VPS26C: variants seen among roughly 807,000 people sequenced by gnomAD.
VPS26C encodes the protein VPS26 endosomal protein sorting factor C.
Under a neutral mutation model 30.6 loss-of-function variants are expected in VPS26C, and 19 were observed. The ratio of observed to expected loss-of-function variants is 0.62; its 90% CI spans 0.43 to 0.91. The LOEUF (loss-of-function observed/expected upper bound fraction) is 0.91. Among genes scored for constraint, VPS26C ranks in the 40% least tolerant of loss-of-function variants. The pLI is 0.00. For synonymous variants in VPS26C, 132 were observed against 151.5 expected (o/e 0.87, Z 0.95); for missense variants, 318 against 385.1 (o/e 0.83, Z 1.46).
At chr21:37,267,839 C>T (rs2086387218), upstream of VPS26C, 1 of 155,548 alleles carries the variant, frequency 6.4e-6, no homozygotes, top group African/African-American at 2.4e-5. Flanking sequence ...TCTAGCCCTC[C>T]ACCGCTTTCT....
chr21:37,246,327 T>C (rs578148607), intron 1 of VPS26C, among the ~76,000 whole-genome samples: 2 of 152,188 alleles, frequency 1.3e-5, no homozygotes, highest in East Asian at 3.9e-4. Context: ...GATACAACAA[T>C]GCTCAAGGCA....
At chr21:37,260,846 G>A (rs533422947) in intron 1 of VPS26C, among the ~76,000 whole-genome samples, 112 of 152,228 alleles carry the variant, frequency 7.4e-4, no homozygotes, top group Admixed American at 6.5e-4. Context: ...GTCAAAATAA[G>A]AATAAATCTT....
At position 37,224,482 on chromosome 21, in the gene VPS26C, T is replaced by C. The variant is rs1385157544; in HGVS notation, c.*1062A>G. ...AGGTTGAGGCTGCCGTGAGCTGTGATCCTGCCAGTGCACTCAGCCTGCGTG... is the reference window on the plus strand; with the variant it reads ...AGGTTGAGGCTGCCGTGAGCTGTGACCCTGCCAGTGCACTCAGCCTGCGTG... On this transcript the variant is annotated 3_prime_UTR_variant, in exon 8 of 8. Transcript: ENST00000309117. 1 of 152,338 alleles carries C rather than the reference T, an allele frequency of 6.6e-6. No homozygotes were observed. The highest frequency in any genetic ancestry group is 1.9e-4 in the East Asian group (1 of 5,166). 9.4% of individuals were successfully genotyped at this position (152,338 alleles called of 1,614,324 possible). A position where few individuals can be genotyped will look rare whatever the true frequency, so the allele number is the denominator to read the frequency against.
intron 1 of VPS26C, among the ~76,000 whole-genome samples, chr21:37,244,411 G>T (rs554802942): frequency 6.6e-6 from 1 of 152,204 alleles, no homozygotes; most frequent in East Asian, 1.9e-4. Flanking sequence ...CTAATTTTTT[G>T]TATTGTTAGT....
chr21:37,243,910 G>A (rs2086112282), intron 1 of VPS26C, among the ~76,000 whole-genome samples: 1 of 152,168 alleles, frequency 6.6e-6, no homozygotes. Flanking sequence ...GGGTCACTGG[G>A]TCTGTATCTT....
At position 37,265,803 on chromosome 21, in the gene VPS26C, G is replaced by A. The variant is rs59876877; in HGVS notation, c.57+1435C>T. Among the ~76,000 whole-genome samples, 971 of 151,936 alleles carry A rather than the reference G, an allele frequency of 6.4e-3. 11 individuals carry two copies. The highest frequency in any genetic ancestry group is 0.022 in the African/African-American group (906 of 41,416). Reference sequence around the variant, plus strand: ...TCTGTGCATCATGCCAAGGGGTACCGAATGTCAGTCGTCTCATTAGTTGTG... The same window carrying A: ...TCTGTGCATCATGCCAAGGGGTACCAAATGTCAGTCGTCTCATTAGTTGTG... On this transcript the variant is annotated intron_variant, in intron 1 of 7. Coordinates refer to ENST00000309117, the MANE Select transcript of VPS26C (RefSeq NM_006052.2).
chr21:37,264,442 C>T (rs978338314), intron 1 of VPS26C, among the ~76,000 whole-genome samples: 1 of 152,220 alleles, frequency 6.6e-6, no homozygotes, highest in Non-Finnish European at 1.5e-5. Context: ...TACCATTCCA[C>T]TGCTTGTGTC....
intron 3 of VPS26C, chr21:37,237,341 A>G (rs933033051): frequency 3.3e-5 from 5 of 152,250 alleles, no homozygotes; most frequent in African/African-American, 1.2e-4. Flanking sequence ...GATAATAAAA[A>G]TAATTTCCAA....
chr21:37,262,304 G>A (rs563128118), intron 1 of VPS26C, among the ~76,000 whole-genome samples: 1 of 152,296 alleles, frequency 6.6e-6, no homozygotes, highest in African/African-American at 2.4e-5. Flanking sequence ...AGCAGTGCAT[G>A]GTGGGCACTT....
intron 1 of VPS26C, among the ~76,000 whole-genome samples, chr21:37,246,984 C>T (rs1465531246): frequency 6.6e-6 from 1 of 152,156 alleles, no homozygotes; most frequent in Non-Finnish European, 1.5e-5. Context: ...TCTTGAACTC[C>T]AGGGCTCAAG....
At chr21:37,266,956 G>A in intron 1 of VPS26C, 1 of 361,528 alleles carries the variant, frequency 2.8e-6, no homozygotes, top group Non-Finnish European at 4.5e-6. Context: ...CAAGGGGCCA[G>A]ATGGGAAGAG....
intron 1 of VPS26C, chr21:37,261,961 T>C (rs2086308724): frequency 6.6e-6 from 1 of 151,796 alleles, no homozygotes; most frequent in African/African-American, 2.4e-5. Context: ...AAATAAAACT[T>C]AAGGTACGAA....
At chr21:37,252,767 C>T (rs2086206316) in intron 1 of VPS26C, among the ~76,000 whole-genome samples, 1 of 152,220 alleles carries the variant, frequency 6.6e-6, no homozygotes, top group African/African-American at 2.4e-5. Flanking sequence ...ACTATTAACA[C>T]ACAACCTGGA....
intron 2 of VPS26C, among the ~76,000 whole-genome samples, chr21:37,239,003 G>A (rs2086055443): frequency 1.3e-5 from 2 of 152,150 alleles, no homozygotes; most frequent in Non-Finnish European, 2.9e-5. Context: ...CGAGCCCCGT[G>A]CTCTTCTGGG....
At chr21:37,245,546 C>T (rs2086129269) in intron 1 of VPS26C, among the ~76,000 whole-genome samples, 1 of 152,192 alleles carries the variant, frequency 6.6e-6, no homozygotes, top group Admixed American at 6.5e-5. Flanking sequence ...ATCCCCCCTC[C>T]CTGACTGACT....
intron 5 of VPS26C, 50 bp downstream of exon 5, chr21:37,232,327 C>T (rs999894084): frequency 1.3e-6 from 2 of 1,540,046 alleles, no homozygotes; most frequent in Non-Finnish European, 1.8e-6. Context: ...TCCGTGGGGT[C>T]TGGCTGCTGG....
chr21:37,243,310 A>AGACTGGG (rs1479414898), intron 1 of VPS26C, among the ~76,000 whole-genome samples: 2 of 152,190 alleles, frequency 1.3e-5, no homozygotes, highest in Non-Finnish European at 2.9e-5. Flanking sequence ...GACCGTTCAC[A>AGACTGGG]GACTGGCAAC....
At chr21:37,253,339 T>G (rs2086212876) in intron 1 of VPS26C, among the ~76,000 whole-genome samples, 1 of 152,218 alleles carries the variant, frequency 6.6e-6, no homozygotes, top group Admixed American at 6.5e-5. Context: ...GGGCTTATGT[T>G]TTAGTATCAC....
intron 1 of VPS26C, among the ~76,000 whole-genome samples, chr21:37,241,321 T>C (rs947218710): frequency 6.6e-6 from 1 of 152,150 alleles, no homozygotes; most frequent in Admixed American, 6.5e-5. Flanking sequence ...TCACAACAGA[T>C]CATCTGTGCA....
Sources: gnomAD v4.1 joint callset for allele counts (sites outside exome capture counted in the v4.1 genomes callset) on GRCh38, gnomAD v4.1.1 for gene constraint, MANE v1.5 for transcripts, NCBI Gene and HGNC (gene_info 2026-07-23, HGNC 2026-07-21) for gene names.